The following PTPN2 variants were observed in gnomAD, a reference collection of about 807,000 sequenced individuals.
PTPN2 encodes the protein protein tyrosine phosphatase non-receptor type 2.
Under a neutral mutation model 57.3 loss-of-function variants are expected in PTPN2, and 19 were observed. That is an observed-to-expected ratio of 0.33 (90% CI 0.23 to 0.49). The LOEUF is 0.49. Among genes scored for constraint, PTPN2 ranks in the 20% least tolerant of loss-of-function variants. PTPN2 has a pLI of 0.99. For missense variants in PTPN2, 358 were observed against 501.1 expected (o/e 0.71, Z 2.73); for synonymous variants, 153 against 164.9 (o/e 0.93, Z 0.55).
In PTPN2 at chr18:12,830,987, T is replaced by A. The variant is rs1336909079; in HGVS notation, c.316A>T (p.Thr106Ser). Residue 106 changes from threonine (T) to serine (S), a missense_variant, in exon 4 of 9, where the codon ACC becomes TCC. Physicochemically the swap from Thr to Ser is moderately conservative, Grantham distance 58. Coordinates refer to ENST00000309660, the MANE Select transcript of PTPN2 (RefSeq NM_002828.4). ...CGGTTCAGCATGACAACTGCTTTGG[T>A]CTTCTGCTGCCAAACCATAAGCCAG... Reference protein sequence around the residue: ...HFWLMVWQQKTKAVVMLNRIV... With the variant: ...HFWLMVWQQKSKAVVMLNRIV... 1 of 1,611,576 alleles carries A rather than the reference T, an allele frequency of 6.2e-7. No individual in the cohort carries two copies. Among genetic ancestry groups the A allele is most frequent in the Admixed American group, 1.7e-5 (1 of 60,016 alleles).
At chr18:12,824,652 CAA>C (rs991219629) in intron 5 of PTPN2, among the ~76,000 whole-genome samples, 3 of 152,068 alleles carry the variant, frequency 2.0e-5, no homozygotes, top group African/African-American at 7.2e-5. Flanking sequence ...TATTACAACA[CAA>C]AGAGGGCAAA....
At chr18:12,801,194 A>AATACCC (rs2041407945) in intron 8 of PTPN2, among the ~76,000 whole-genome samples, 1 of 152,228 alleles carries the variant, frequency 6.6e-6, no homozygotes, top group Non-Finnish European at 1.5e-5. Flanking sequence ...TCATATACTA[A>AATACCC]ATACCCTCAG....
intron 2 of PTPN2, among the ~76,000 whole-genome samples, chr18:12,841,315 G>A (rs894754020): frequency 2.0e-5 from 3 of 152,234 alleles, no homozygotes; most frequent in African/African-American, 7.2e-5. Context: ...TGAAGGGCAC[G>A]TGGGCCGTGC....
At chr18:12,858,900 A>G (rs1335734945) in intron 2 of PTPN2, among the ~76,000 whole-genome samples, 4 of 152,212 alleles carry the variant, frequency 2.6e-5, no homozygotes, top group Admixed American at 2.6e-4. Flanking sequence ...TATTTTAAAG[A>G]AAGGAAAACT....
At chr18:12,866,188 T>C (rs2145495779) in intron 1 of PTPN2, among the ~76,000 whole-genome samples, 1 of 152,028 alleles carries the variant, frequency 6.6e-6, no homozygotes, top group East Asian at 1.9e-4. Flanking sequence ...CCTGTAACCC[T>C]AGCACTTTGG....
At chr18:12,791,557 G>T (rs1180120148), downstream of PTPN2, among the ~76,000 whole-genome samples, 1 of 152,014 alleles carries the variant, frequency 6.6e-6, no homozygotes, top group Admixed American at 6.6e-5. Flanking sequence ...AAAAAGTCAG[G>T]ACTTTTTATC....
At chr18:12,870,271 A>G (rs149933810) in intron 1 of PTPN2, among the ~76,000 whole-genome samples, 1,512 of 92,526 alleles carry the variant, frequency 0.016, 32 homozygotes, top group East Asian at 0.041. Context: ...ATATATATAT[A>G]TGTATATATA....
intron 1 of PTPN2, among the ~76,000 whole-genome samples, chr18:12,870,321 GTATATA>G (rs555618476): frequency 2.9e-4 from 12 of 40,950 alleles, no homozygotes; most frequent in African/African-American, 1.6e-3. Context: ...ATATATATGT[GTATATA>G]TATGTATATA....
intron 8 of PTPN2, among the ~76,000 whole-genome samples, chr18:12,799,342 G>A (rs1004789563): frequency 2.0e-5 from 3 of 151,766 alleles, no homozygotes; most frequent in South Asian, 2.1e-4. Flanking sequence ...GCTTGAACCC[G>A]GGAGGTGGAG....
chr18:12,869,441 G>A (rs1158729399), intron 1 of PTPN2, among the ~76,000 whole-genome samples: 3 of 152,244 alleles, frequency 2.0e-5, no homozygotes, highest in African/African-American at 4.8e-5. Flanking sequence ...TATCACAGGC[G>A]TGAGCCATGG....
In PTPN2 at chr18:12,793,223, TATTC is replaced by T. The variant is rs140909703; in HGVS notation, c.*1051_*1054del. 142,057 of 979,562 alleles carry T rather than the reference TATTC, an allele frequency of 0.15. 10,648 individuals are homozygous for T. Among genetic ancestry groups the T allele is most frequent in the African/African-American group, 0.21 (11,775 of 57,116 alleles). 60.7% of individuals were successfully genotyped at this position (979,562 alleles called of 1,614,324 possible). On this transcript the variant is annotated 3_prime_UTR_variant, in exon 9 of 9. Transcript: ENST00000309660. ...TCATTAAACAGTTTGCTTTAAAAAA[TATTC>T]ATTAAGTTAAAATGACAATGTAAGG... is the stretch of plus-strand genomic sequence containing the variant.
intron 1 of PTPN2, chr18:12,872,316 A>G (rs1175562457): frequency 1.3e-5 from 2 of 152,254 alleles, no homozygotes; most frequent in East Asian, 3.8e-4. Flanking sequence ...CCGTTCAAAT[A>G]TAGTGAAAGA....
intron 7 of PTPN2, among the ~76,000 whole-genome samples, chr18:12,803,417 T>C (rs1568086981): frequency 1.3e-5 from 2 of 152,084 alleles, no homozygotes; most frequent in African/African-American, 2.4e-5. Context: ...TGTAAATAGA[T>C]TAAATACTTC....
Position 12,793,855 on chromosome 18 carries a change from ATTAT to A in PTPN2, c.*419_*422del. On this transcript the variant is annotated 3_prime_UTR_variant, in exon 9 of 9. Transcript: ENST00000309660. ...CAATAGTACATTATACATTACACAC[ATTAT>A]TTAAATGTCATTTTCTTTCCAATAA... The A allele has an allele frequency of 9.8e-7, 1 of 1,024,882 alleles. No homozygotes were observed. Among genetic ancestry groups the A allele is most frequent in the Non-Finnish European group, 1.2e-6 (1 of 848,412 alleles). The allele number at this position is 1,024,882 out of a possible 1,614,324, so 63.5% of individuals were successfully genotyped here. A position where few individuals can be genotyped will look rare whatever the true frequency, so the allele number is the denominator to read the frequency against.
At chr18:12,862,919 T>TAAC (rs1376446616) in intron 1 of PTPN2, among the ~76,000 whole-genome samples, 2 of 102,000 alleles carry the variant, frequency 2.0e-5, no homozygotes, top group Non-Finnish European at 4.5e-5. Context: ...AGGTCTGTAA[T>TAAC]ATACGCAGCA....
chr18:12,840,417 T>C (rs954981700), intron 2 of PTPN2, among the ~76,000 whole-genome samples: 2 of 152,228 alleles, frequency 1.3e-5, no homozygotes, highest in South Asian at 2.1e-4. Context: ...TTAGTACACA[T>C]AGAATATTAA....
intron 1 of PTPN2, among the ~76,000 whole-genome samples, chr18:12,868,302 G>A (rs143536244): frequency 8.6e-5 from 13 of 152,038 alleles, no homozygotes; most frequent in Non-Finnish European, 1.5e-4. Flanking sequence ...TGGAGAGACT[G>A]GAGTGAAGTG....
downstream of PTPN2, chr18:12,787,269 G>A (rs1001226370): frequency 6.6e-6 from 1 of 152,162 alleles, no homozygotes; most frequent in Non-Finnish European, 1.5e-5. Context: ...CAGAGTCCGT[G>A]TAACATAAAA....
intron 7 of PTPN2, among the ~76,000 whole-genome samples, chr18:12,812,086 A>G (rs2145294916): frequency 6.6e-6 from 1 of 152,340 alleles, no homozygotes; most frequent in South Asian, 2.1e-4. Flanking sequence ...GCCAAACTAG[A>G]TATTTACTCT....
Sources: allele counts gnomAD v4.1 joint callset (sites outside exome capture counted in the v4.1 genomes callset), GRCh38; gene constraint gnomAD v4.1.1; transcripts MANE v1.5; gene names NCBI Gene and HGNC (gene_info 2026-07-23, HGNC 2026-07-21).